Variants in GFRA2 observed in about 807,000 individuals in gnomAD.
GFRA2 encodes the protein GDNF family receptor alpha-2.
GFRA2 carries 17 observed loss-of-function variants against 48.3 expected under a neutral mutation model. The observed-to-expected ratio is 0.35, with a 90% CI of 0.24 to 0.53. The LOEUF is 0.53. Among genes scored for constraint, GFRA2 ranks in the 20% least tolerant of loss-of-function variants. GFRA2 has a pLI of 0.93. For missense variants in GFRA2, 660 were observed against 637.3 expected (o/e 1.04, Z -0.38); for synonymous variants, 305 against 257.2 (o/e 1.19, Z -1.78).
rs536478955 is a variant in GFRA2, at chr8:21,722,773, C to T, written c.795-16732G>A. 1.1e-4 allele frequency among the ~76,000 whole-genome samples: 16 copies of T among 152,342 alleles called. No individual in the cohort carries two copies. In the Middle Eastern group the frequency reaches 0.02, roughly 194 times the overall value. ...TCCTCTCTATTTCTACCCTCCAACT[C>T]CACAACAGGTGACAACGTTAGATGC... On this transcript the variant is annotated intron_variant, in intron 4 of 8. Transcript: ENST00000524240.
At chr8:21,769,370 T>G (rs1806335755) in intron 3 of GFRA2, 1 of 153,664 alleles carries the variant, frequency 6.5e-6, no homozygotes, top group Admixed American at 6.6e-5. Flanking sequence ...ACCTCACAAT[T>G]GCTTAGCACC....
upstream of GFRA2, chr8:21,790,123 A>C: frequency 1.0e-6 from 1 of 984,498 alleles, no homozygotes; most frequent in Non-Finnish European, 1.2e-6. Flanking sequence ...ACCTAAAAGG[A>C]AGCGTCTGGC....
rs768536935 is a variant in GFRA2, at chr8:21,750,563, C to T, written c.794+25G>A. ...CAATGCAAGCGCCCTCCTGCCAGCA[C>T]CACCGGGGCTGCCGCGGCACTCACC... On this transcript the variant is annotated intron_variant, in intron 4 of 8. Coordinates refer to ENST00000524240, the MANE Select transcript of GFRA2 (RefSeq NM_001495.5). This position sits in a 1 kb window ranked among gnomAD's most constrained non-coding sequence, Gnocchi z 5.7. The T allele has an allele frequency of 2.1e-6, 3 of 1,436,810 alleles. No homozygotes were observed. The highest frequency in any genetic ancestry group is 2.9e-6 in the Non-Finnish European group (3 of 1,040,390). 89.0% of individuals were successfully genotyped at this position (1,436,810 alleles called of 1,614,324 possible).
intron 4 of GFRA2, among the ~76,000 whole-genome samples, chr8:21,732,673 C>T (rs530221358): frequency 3.3e-5 from 5 of 152,338 alleles, no homozygotes; most frequent in Admixed American, 3.3e-4. Context: ...ACAGGGGCAG[C>T]TCAGTTCACT....
intron 4 of GFRA2, among the ~76,000 whole-genome samples, chr8:21,712,880 G>A (rs1024810847): frequency 7.2e-5 from 11 of 152,272 alleles, no homozygotes; most frequent in African/African-American, 2.2e-4. Context: ...GGCGGTGCAC[G>A]CCTGCAATCG....
intron 4 of GFRA2, among the ~76,000 whole-genome samples, chr8:21,716,783 T>C (rs569008468): frequency 6.0e-4 from 92 of 152,296 alleles, no homozygotes; most frequent in African/African-American, 1.6e-3. Context: ...CATGGAGATT[T>C]TCAATGCCAA....
intron 2 of GFRA2, among the ~76,000 whole-genome samples, chr8:21,796,246 A>C (rs370563704): frequency 2.0e-5 from 3 of 152,340 alleles, no homozygotes; most frequent in South Asian, 4.1e-4. Flanking sequence ...AGCTGCCTGG[A>C]GAAACCTCAC....
intron 8 of GFRA2, 80 bp from the exon 9 acceptor site, chr8:21,693,480 G>T (rs886515176): frequency 1.5e-6 from 2 of 1,364,592 alleles, no homozygotes; most frequent in African/African-American, 1.5e-5. Flanking sequence ...GGACCCGGCA[G>T]AGAAACGGAC....
chr8:21,746,703 A>T (rs1419539625), intron 4 of GFRA2, among the ~76,000 whole-genome samples: 1 of 150,986 alleles, frequency 6.6e-6, no homozygotes, highest in Non-Finnish European at 1.5e-5. Flanking sequence ...CCCTCCCAAT[A>T]CTTAGCCCTG....
chr8:21,731,023 G>A (rs1350219055), intron 4 of GFRA2, among the ~76,000 whole-genome samples: 17 of 152,106 alleles, frequency 1.1e-4, no homozygotes, highest in South Asian at 2.1e-4. Flanking sequence ...CTCGTGTTGC[G>A]GACACTAACT....
At chr8:21,798,538 C>A (rs1025723655) in intron 2 of GFRA2, among the ~76,000 whole-genome samples, 1 of 152,202 alleles carries the variant, frequency 6.6e-6, no homozygotes, top group Non-Finnish European at 1.5e-5. Flanking sequence ...CACCAGCTGA[C>A]CATGTGACTT....
intron 3 of GFRA2, among the ~76,000 whole-genome samples, chr8:21,751,865 AGAG>A (rs981006860): frequency 6.6e-6 from 1 of 152,166 alleles, no homozygotes; most frequent in African/African-American, 2.4e-5. Context: ...TAAAAGCGCA[AGAG>A]GAGGGCCCAC....
At chr8:21,697,042 G>A (rs1403146727) in intron 7 of GFRA2, among the ~76,000 whole-genome samples, 12 of 17,534 alleles carry the variant, frequency 6.8e-4, no homozygotes, top group East Asian at 1.5e-3. Flanking sequence ...GGAGAGGGGA[G>A]GAGACAGAGG....
rs80112862 is a variant in GFRA2, at chr8:21,762,079, C to T, written c.440-11137G>A. Among the ~76,000 whole-genome samples, 512 of 152,154 alleles carry T rather than the reference C, an allele frequency of 3.4e-3. 2 individuals carry two copies. The highest frequency in any genetic ancestry group is 0.012 in the African/African-American group (489 of 41,496). On this transcript the variant is annotated intron_variant, in intron 3 of 8. Transcript: ENST00000524240. ...AGAAGTCAGTCCCTTGTGCTCCGGCCTCTACACACTATGTGGCAAAAGATA... is the reference window on the plus strand; with the variant it reads ...AGAAGTCAGTCCCTTGTGCTCCGGCTTCTACACACTATGTGGCAAAAGATA...
chr8:21,743,398 G>T (rs1804849552), intron 4 of GFRA2, among the ~76,000 whole-genome samples: 1 of 152,196 alleles, frequency 6.6e-6, no homozygotes, highest in African/African-American at 2.4e-5. Flanking sequence ...TGCCAGCAGG[G>T]TTACCCAGGG....
intron 7 of GFRA2, among the ~76,000 whole-genome samples, chr8:21,701,343 G>A (rs974230860): frequency 4.6e-5 from 7 of 152,206 alleles, no homozygotes; most frequent in African/African-American, 1.4e-4. Context: ...GCAGTGAGCC[G>A]AGATCGCGCC....
intron 7 of GFRA2, among the ~76,000 whole-genome samples, chr8:21,696,716 G>A (rs1039511469): frequency 6.6e-6 from 1 of 152,194 alleles, no homozygotes; most frequent in Non-Finnish European, 1.5e-5. Flanking sequence ...GCTCCTCGGA[G>A]TGAGCAGAAC....
At chr8:21,695,502 C>G (rs962278114) in intron 7 of GFRA2, among the ~76,000 whole-genome samples, 2 of 152,178 alleles carry the variant, frequency 1.3e-5, no homozygotes, top group African/African-American at 2.4e-5. Context: ...CCCCAGCTGT[C>G]ACATGGAGAC....
At chr8:21,810,778 AGTGAGGTGGGCACTGAGGT>A (rs1057473039) in intron 1 of GFRA2, among the ~76,000 whole-genome samples, 1 of 152,168 alleles carries the variant, frequency 6.6e-6, no homozygotes, top group Non-Finnish European at 1.5e-5. Flanking sequence ...CCTGGAATGA[AGTGAGGTGGGCACTGAGGT>A]GTAAGTGAGG....
Sources: gnomAD v4.1 joint callset for allele counts (sites outside exome capture counted in the v4.1 genomes callset) on GRCh38, gnomAD v4.1.1 for gene constraint, Gnocchi (gnomAD v3.1) non-coding constraint, MANE v1.5 for transcripts, NCBI Gene and HGNC (gene_info 2026-07-23, HGNC 2026-07-21) for gene names.